RBMS3: variants seen among roughly 807,000 people sequenced by gnomAD.
RBMS3 encodes RNA binding motif single stranded interacting protein 3.
Under a neutral mutation model 66.8 loss-of-function variants are expected in RBMS3, and 27 were observed. The ratio of observed to expected loss-of-function variants is 0.40; its 90% CI spans 0.30 to 0.56. The LOEUF (loss-of-function observed/expected upper bound fraction) is 0.56, where lower values mean the gene tolerates loss of function less well. Among genes scored for constraint, RBMS3 ranks in the 20% least tolerant of loss-of-function variants. RBMS3 has a pLI of 0.40. For missense variants in RBMS3, 513 were observed against 549.5 expected, an observed-to-expected ratio of 0.93 and a Z score of 0.66; for synonymous variants, 188 against 183.0, an observed-to-expected ratio of 1.03 and a Z score of -0.22.
intron 1 of RBMS3, among the ~76,000 whole-genome samples, chr3:29,405,212 A>T (rs1018170158): frequency 6.6e-6 from 1 of 152,164 alleles, no homozygotes; most frequent in African/African-American, 2.4e-5. Flanking sequence ...GGAAACTTTT[A>T]TGTTCTCTCT....
intron 1 of RBMS3, among the ~76,000 whole-genome samples, chr3:29,394,999 C>A (rs1482241679): frequency 1.3e-5 from 2 of 152,222 alleles, no homozygotes; most frequent in African/African-American, 4.8e-5. Context: ...AATTTACAAA[C>A]TGCCTCTCTG....
At chr3:29,486,514 T>C (rs2043325470) in intron 2 of RBMS3, among the ~76,000 whole-genome samples, 1 of 152,182 alleles carries the variant, frequency 6.6e-6, no homozygotes, top group Non-Finnish European at 1.5e-5. Flanking sequence ...TGATTTTCCA[T>C]TGATAGTAAT....
rs558790848 is a variant in RBMS3, at chr3:29,724,993, T to C, written c.400-14727T>C. On this transcript the variant is annotated intron_variant, in intron 4 of 14. Coordinates refer to ENST00000383767, the MANE Select transcript of RBMS3 (RefSeq NM_001003793.3). ...ACTAGAAGATGAAAAAACTATTGAA[T>C]GAGTGAGTGAATGATCAAGAGCAAA... 5.3e-5 allele frequency among the ~76,000 whole-genome samples: 8 copies of C among 152,234 alleles called. No homozygotes were observed. The South Asian group carries it at 1.7e-3, about 32-fold the overall frequency.
At chr3:29,382,015 T>A (rs572884503) in intron 1 of RBMS3, among the ~76,000 whole-genome samples, 4 of 152,310 alleles carry the variant, frequency 2.6e-5, no homozygotes, top group Admixed American at 1.3e-4. Context: ...AAACTTCTGA[T>A]GAAAAATCAG....
intron 3 of RBMS3, among the ~76,000 whole-genome samples, chr3:29,581,049 C>T (rs1007894524): frequency 1.3e-5 from 2 of 152,124 alleles, no homozygotes; most frequent in Non-Finnish European, 2.9e-5. Flanking sequence ...TAGAATTTTT[C>T]TCACAGTAAG....
chr3:29,589,222 C>G (rs765708506), intron 4 of RBMS3, among the ~76,000 whole-genome samples: 22 of 152,098 alleles, frequency 1.4e-4, no homozygotes, highest in South Asian at 6.2e-4. Flanking sequence ...CTCTCTCTCT[C>G]TTACCCACTC....
chr3:29,437,184 G>A (rs2041433148), intron 2 of RBMS3, among the ~76,000 whole-genome samples: 2 of 152,208 alleles, frequency 1.3e-5, no homozygotes, highest in African/African-American at 2.4e-5. Flanking sequence ...ATTGGCCCTT[G>A]TGGGAGTATT....
At chr3:29,565,070 A>G (rs570051129) in intron 3 of RBMS3, among the ~76,000 whole-genome samples, 75 of 152,284 alleles carry the variant, frequency 4.9e-4, no homozygotes, top group African/African-American at 1.7e-3. Flanking sequence ...TGTGTAATTC[A>G]AGACCAGAGG....
At chr3:29,515,652 A>C (rs972862495) in intron 3 of RBMS3, among the ~76,000 whole-genome samples, 1 of 152,224 alleles carries the variant, frequency 6.6e-6, no homozygotes, top group Non-Finnish European at 1.5e-5. Flanking sequence ...AGGAGACTGA[A>C]GGTAAGCAAT....
rs570272762 is a variant in RBMS3, at chr3:29,687,713, T to G, written c.400-52007T>G. Among the ~76,000 whole-genome samples, 142 of 152,290 alleles carry G rather than the reference T, an allele frequency of 9.3e-4. 7 individuals are homozygous for G. The South Asian group carries it at 0.028, about 30-fold the overall frequency. The stretch of plus-strand genomic sequence containing the variant: ...AAAAACATTAATTTGAAGAAAAAAT[T>G]TGGACCCTTCAAATTTTGCTTTCCT... On this transcript the variant is annotated intron_variant, in intron 4 of 14. Coordinates refer to ENST00000383767, the MANE Select transcript of RBMS3 (RefSeq NM_001003793.3).
chr3:29,762,850 T>C, intron 5 of RBMS3, 60 bp from the exon 6 acceptor site: 1 of 1,182,926 alleles, frequency 8.5e-7, no homozygotes, highest in African/African-American at 1.6e-5. Flanking sequence ...TTTCCTTTAC[T>C]TCTTAAGTTT....
intron 6 of RBMS3, among the ~76,000 whole-genome samples, chr3:29,769,913 T>C (rs1403405308): frequency 6.6e-6 from 1 of 151,790 alleles, no homozygotes; most frequent in Non-Finnish European, 1.5e-5. Context: ...CATATCTAAA[T>C]AGAGAAAGAA....
At chr3:29,763,907 C>A (rs180898409) in intron 6 of RBMS3, among the ~76,000 whole-genome samples, 6 of 151,976 alleles carry the variant, frequency 3.9e-5, no homozygotes, top group Non-Finnish European at 5.9e-5. Flanking sequence ...GAGACTAAGG[C>A]GACTTCTTCC....
intron 6 of RBMS3, among the ~76,000 whole-genome samples, chr3:29,867,543 A>G (rs2149547785): frequency 6.9e-6 from 1 of 144,766 alleles, no homozygotes; most frequent in Admixed American, 7.1e-5. Context: ...GTTAAGGATG[A>G]CGTACCTTTA....
At chr3:29,629,207 A>G (rs1027672792) in intron 4 of RBMS3, among the ~76,000 whole-genome samples, 6 of 152,152 alleles carry the variant, frequency 3.9e-5, no homozygotes, top group African/African-American at 1.4e-4. Flanking sequence ...TTTCTACTTT[A>G]AAGACTTGAA....
At chr3:29,350,879 G>A (rs1179599930) in intron 1 of RBMS3, among the ~76,000 whole-genome samples, 2 of 150,492 alleles carry the variant, frequency 1.3e-5, no homozygotes, top group East Asian at 1.9e-4. Context: ...TAATGTGCAT[G>A]GTAAAAAAAA....
At chr3:29,359,916 A>G (rs1158834259) in intron 1 of RBMS3, among the ~76,000 whole-genome samples, 3 of 151,874 alleles carry the variant, frequency 2.0e-5, no homozygotes, top group Middle Eastern at 3.4e-3. Context: ...TTTTTCTTGC[A>G]TCTATTTGAT....
chr3:29,554,153 T>C (rs1223531040), intron 3 of RBMS3, among the ~76,000 whole-genome samples: 1 of 152,232 alleles, frequency 6.6e-6, no homozygotes, highest in Non-Finnish European at 1.5e-5. Flanking sequence ...TATAGGCATA[T>C]TTATAGTAAG....
chr3:29,354,585 A>G (rs1311557974), intron 1 of RBMS3, among the ~76,000 whole-genome samples: 1 of 131,192 alleles, frequency 7.6e-6, no homozygotes, highest in African/African-American at 3.0e-5. Context: ...ACACACACAG[A>G]CACACACACA....
Sources: allele counts gnomAD v4.1 joint callset (sites outside exome capture counted in the v4.1 genomes callset), GRCh38; gene constraint gnomAD v4.1.1; transcripts MANE v1.5; gene names NCBI Gene and HGNC (gene_info 2026-07-23, HGNC 2026-07-21).